Variants in C12orf75 observed in about 807,000 individuals in gnomAD.
C12orf75 encodes chromosome 12 open reading frame 75.
A neutral mutation model predicts 11.4 loss-of-function variants in C12orf75; 4 were observed. That is an observed-to-expected ratio of 0.35 (90% confidence interval 0.17 to 0.80). The LOEUF (loss-of-function observed/expected upper bound fraction) is 0.80, where lower values mean the gene tolerates loss of function less well. Ranked by LOEUF, C12orf75 falls within the 30% of genes least tolerant of loss-of-function variation. C12orf75 has a pLI of 0.52. For synonymous variants in C12orf75, 30 were observed against 30.0 expected (o/e 1.00, Z 0.00); for missense variants, 89 against 80.4 (o/e 1.11, Z -0.41).
At chr12:105,335,458 A>T (rs11112472) in intron 1 of C12orf75, among the ~76,000 whole-genome samples, 28,622 of 152,188 alleles carry the variant, frequency 0.19, 3,727 homozygotes, top group East Asian at 0.51. Context: ...CCCTTTCCCC[A>T]CAAGTATGTA....
intron 1 of C12orf75, among the ~76,000 whole-genome samples, chr12:105,343,214 T>G (rs920087256): frequency 6.6e-6 from 1 of 152,216 alleles, no homozygotes; most frequent in Non-Finnish European, 1.5e-5. Flanking sequence ...AGTCTCTCTA[T>G]ATTTTTTGGT....
At chr12:105,342,946 T>C (rs530267873) in intron 1 of C12orf75, among the ~76,000 whole-genome samples, 1 of 152,224 alleles carries the variant, frequency 6.6e-6, no homozygotes, top group Non-Finnish European at 1.5e-5. Flanking sequence ...TGTTAAAATC[T>C]TCTGAAATGT....
chr12:105,355,059 G>A (rs1321193902), intron 2 of C12orf75, among the ~76,000 whole-genome samples: 3 of 152,072 alleles, frequency 2.0e-5, no homozygotes, highest in Non-Finnish European at 4.4e-5. Flanking sequence ...ACTCCATGGA[G>A]CAGCCATCGG....
intron 1 of C12orf75, among the ~76,000 whole-genome samples, chr12:105,338,248 C>G (rs1892520349): frequency 6.6e-6 from 1 of 152,128 alleles, no homozygotes; most frequent in Admixed American, 6.5e-5. Flanking sequence ...GATCTCGGCT[C>G]AGTGCAACCT....
Position 105,370,619 on chromosome 12 carries a change from C to T in C12orf75, c.*34-15C>T. The T allele has an allele frequency of 2.2e-6, 1 of 457,612 alleles. No individual in the cohort carries two copies. The highest frequency in any genetic ancestry group is 4.4e-6 in the Non-Finnish European group (1 of 226,792). The allele number at this position is 457,612 out of a possible 1,614,324, so 28.3% of individuals were successfully genotyped here. On this transcript the variant is annotated splice_polypyrimidine_tract_variant and intron_variant, in intron 5 of 5. Coordinates refer to ENST00000443585, the MANE Select transcript of C12orf75 (RefSeq NM_001145199.2). ...TGTTTGCTCACTCTTTTCTCCTCTT[C>T]TGTTGTCTCCTTAGCTTGCTCATCA...
rs1490028772 is a variant in C12orf75, at chr12:105,330,927, C to T, written c.36C>T (p.Gly12=). 4 of 1,239,156 alleles carry T rather than the reference C, an allele frequency of 3.2e-6. No individual in the cohort carries two copies. Among genetic ancestry groups the T allele is most frequent in the Non-Finnish European group, 1.0e-6 (1 of 993,456 alleles). 76.8% of individuals were successfully genotyped at this position (1,239,156 alleles called of 1,614,324 possible). ...GCGNSTATSA[G]AGQGPAGAAK... ...GGAACTCCACCGCCACCAGCGCGGG[C>T]GCGGGCCAAGGTGAGTCCGGCGGGA... Residue 12 remains glycine (G), a synonymous_variant, in exon 1 of 6, where the codon GGC becomes GGT. Transcript: ENST00000443585.
intron 2 of C12orf75, among the ~76,000 whole-genome samples, chr12:105,360,690 C>A (rs1892849810): frequency 6.6e-6 from 1 of 152,174 alleles, no homozygotes; most frequent in South Asian, 2.1e-4. Flanking sequence ...CTTGCTCTTT[C>A]ACCCAGGCTG....
chr12:105,346,007 A>C (rs1303606852), intron 1 of C12orf75, among the ~76,000 whole-genome samples: 1 of 152,126 alleles, frequency 6.6e-6, no homozygotes, highest in Non-Finnish European at 1.5e-5. Flanking sequence ...AAGAAGCTTC[A>C]TCTGCAAAAT....
chr12:105,362,141 C>G (rs1458338965), intron 2 of C12orf75, among the ~76,000 whole-genome samples: 1 of 152,030 alleles, frequency 6.6e-6, no homozygotes, highest in Non-Finnish European at 1.5e-5. Flanking sequence ...AATCCCAGCA[C>G]TTTGGGAGGC....
chr12:105,362,511 C>T (rs964599769), intron 2 of C12orf75, among the ~76,000 whole-genome samples: 3 of 144,258 alleles, frequency 2.1e-5, no homozygotes, highest in Admixed American at 7.1e-5. Flanking sequence ...ACTAAAAATA[C>T]AAAAAATTAG....
intron 2 of C12orf75, among the ~76,000 whole-genome samples, chr12:105,354,566 G>A (rs1033839146): frequency 6.6e-6 from 1 of 152,156 alleles, no homozygotes; most frequent in Non-Finnish European, 1.5e-5. Context: ...GTTGCCCCCG[G>A]TGAATGACAG....
At chr12:105,358,435 C>T (rs1276640022) in intron 2 of C12orf75, among the ~76,000 whole-genome samples, 4 of 152,106 alleles carry the variant, frequency 2.6e-5, no homozygotes, top group Non-Finnish European at 4.4e-5. Context: ...ATGGGAGCAT[C>T]GCTTGAGCCT....
chr12:105,363,093 G>A (rs970535507), intron 2 of C12orf75, among the ~76,000 whole-genome samples: 1 of 105,840 alleles, frequency 9.4e-6, no homozygotes, highest in Non-Finnish European at 1.7e-5. Context: ...TGGTGAATGA[G>A]AATGGAGCAT....
In C12orf75 at chr12:105,348,397, G is replaced by A. The variant is rs1355692494; in HGVS notation, c.47-205G>A. Among the ~76,000 whole-genome samples, 5 of 141,140 alleles carry A rather than the reference G, an allele frequency of 3.5e-5. No homozygotes were observed. In the South Asian group the frequency reaches 1.1e-3, roughly 32 times the overall value. 92.6% of individuals were successfully genotyped at this position (141,140 alleles called of 152,430 possible). ...ATCACTGCACTCCAGCTTGGGCAAC[G>A]AAGTGAGACTGTATCTGAAACAAAA... On this transcript the variant is annotated intron_variant, in intron 1 of 5. Transcript: ENST00000443585.
intron 2 of C12orf75, among the ~76,000 whole-genome samples, chr12:105,364,275 T>C (rs529702671): frequency 7.2e-5 from 11 of 152,320 alleles, no homozygotes; most frequent in Non-Finnish European, 1.6e-4. Flanking sequence ...CTCTCTCTTA[T>C]ACCACATCAA....
At chr12:105,355,410 C>T (rs187614275) in intron 2 of C12orf75, among the ~76,000 whole-genome samples, 11 of 152,192 alleles carry the variant, frequency 7.2e-5, no homozygotes, top group Middle Eastern at 3.4e-3. Flanking sequence ...CCTTGTGATC[C>T]GCCCGCCTTG....
rs1871604590 is a variant in C12orf75, at chr12:105,370,787, T to C, written c.*187T>C. On this transcript the variant is annotated 3_prime_UTR_variant, in exon 6 of 6. Coordinates refer to ENST00000443585, the MANE Select transcript of C12orf75 (RefSeq NM_001145199.2). ...CCCTGGGTACATATTGTTGTGGTAA[T>C]AGAAGGGAATTGGTTAAACAGTACA... 2.2e-6 allele frequency: 1 copy of C among 453,238 alleles called. No individual in the cohort carries two copies. Among genetic ancestry groups the C allele is most frequent in the Non-Finnish European group, 4.5e-6 (1 of 223,928 alleles). 28.1% of individuals were successfully genotyped at this position (453,238 alleles called of 1,614,324 possible). A position where few individuals can be genotyped will look rare whatever the true frequency, so the allele number is the denominator to read the frequency against.
At position 105,368,487 on chromosome 12, in the gene C12orf75, T is replaced by G. The variant is rs1871546249; in HGVS notation, c.*33+978T>G. Reference sequence around the variant, plus strand: ...TGAAAAATGGAGCCAATACTTAGACTGAAGAGTTGTTGTTAGGATTAAATA... The same window carrying G: ...TGAAAAATGGAGCCAATACTTAGACGGAAGAGTTGTTGTTAGGATTAAATA... On this transcript the variant is annotated intron_variant, in intron 5 of 5. Transcript: ENST00000443585. Among the ~76,000 whole-genome samples, 3 of 152,220 alleles carry G rather than the reference T, an allele frequency of 2.0e-5. No individual in the cohort carries two copies. In the South Asian group the frequency reaches 6.2e-4, roughly 31 times the overall value.
intron 2 of C12orf75, among the ~76,000 whole-genome samples, chr12:105,354,172 A>C (rs1289027204): frequency 6.6e-6 from 1 of 152,194 alleles, no homozygotes; most frequent in African/African-American, 2.4e-5. Context: ...TTGAAGTAGC[A>C]TTGAAAAAGC....
Sources: gnomAD v4.1 joint callset for allele counts (sites outside exome capture counted in the v4.1 genomes callset) on GRCh38, gnomAD v4.1.1 for gene constraint, MANE v1.5 for transcripts, NCBI Gene and HGNC (gene_info 2026-07-23, HGNC 2026-07-21) for gene names.